The following PRKG1 variants were observed in gnomAD, a reference collection of about 807,000 sequenced individuals.
PRKG1 encodes protein kinase cGMP-dependent 1.
Under a neutral mutation model 88.1 loss-of-function variants are expected in PRKG1, and 35 were observed. The observed-to-expected ratio is 0.40, with a 90% CI of 0.30 to 0.53. PRKG1 has a LOEUF of 0.53. Among genes scored for constraint, PRKG1 ranks in the 20% least tolerant of loss-of-function variants. The pLI, the probability that PRKG1 is intolerant of heterozygous loss-of-function variation, is 0.59. For missense variants in PRKG1, 540 were observed against 839.8 expected (o/e 0.64, Z 4.41); for synonymous variants, 303 against 292.5 (o/e 1.04, Z -0.37).
intron 3 of PRKG1, among the ~76,000 whole-genome samples, chr10:51,707,638 A>G (rs1841643672): frequency 1.3e-5 from 2 of 152,102 alleles, no homozygotes; most frequent in Non-Finnish European, 2.9e-5. Flanking sequence ...CACTTCAGAG[A>G]AATGTGTAAA....
Position 51,260,687 on chromosome 10 carries a change from A to C in PRKG1, c.478+107357A>C, listed in dbSNP as rs561993958. 3.3e-5 allele frequency among the ~76,000 whole-genome samples: 5 copies of C among 152,332 alleles called. No homozygotes were observed. In the South Asian group the frequency reaches 1.0e-3, roughly 32 times the overall value. On this transcript the variant is annotated intron_variant, in intron 2 of 17. Coordinates refer to ENST00000373980, the MANE Select transcript of PRKG1 (RefSeq NM_006258.4). ...ATACCATCAGAAATCAATTCTGCTC[A>C]TGGAGATTATTAAAGACTCAGAGCA...
intron 9 of PRKG1, among the ~76,000 whole-genome samples, chr10:52,178,144 T>G (rs1330017369): frequency 6.6e-6 from 1 of 152,068 alleles, no homozygotes; most frequent in Non-Finnish European, 1.5e-5. Context: ...TGCCATCAAC[T>G]TGCTTCTTAA....
In PRKG1 at chr10:51,590,929, G is replaced by A. The variant is rs16919998; in HGVS notation, c.592+123093G>A. Among the ~76,000 whole-genome samples, 391 of 152,196 alleles carry A rather than the reference G, an allele frequency of 2.6e-3. 3 individuals are homozygous for A. Among genetic ancestry groups the A allele is most frequent in the African/African-American group, 8.8e-3 (367 of 41,518 alleles). On this transcript the variant is annotated intron_variant, in intron 3 of 17. Coordinates refer to ENST00000373980, the MANE Select transcript of PRKG1 (RefSeq NM_006258.4). ...TGAACACTTACTTCTGTCAAACATT[G>A]GTAAGCACAAGGAATGTGGAAACCT...
chr10:51,453,956 C>A (rs2132778791), intron 2 of PRKG1, among the ~76,000 whole-genome samples: 1 of 152,084 alleles, frequency 6.6e-6, no homozygotes. Context: ...CCAACAGTGA[C>A]CAAGCTGAGA....
chr10:52,163,734 T>C (rs1223957072), intron 9 of PRKG1, among the ~76,000 whole-genome samples: 1 of 152,200 alleles, frequency 6.6e-6, no homozygotes, highest in Non-Finnish European at 1.5e-5. Flanking sequence ...TCCTAAATTC[T>C]GGCCATTCAT....
At chr10:50,997,810 C>T (rs1842850964) in intron 1 of PRKG1, among the ~76,000 whole-genome samples, 1 of 151,918 alleles carries the variant, frequency 6.6e-6, no homozygotes, top group Admixed American at 6.5e-5. Flanking sequence ...TTTTGGGTCC[C>T]TGAAGAGAAA....
At chr10:51,327,425 A>AT in intron 2 of PRKG1, among the ~76,000 whole-genome samples, 1 of 152,126 alleles carries the variant, frequency 6.6e-6, no homozygotes, top group African/African-American at 2.4e-5. Flanking sequence ...TCAAAAAAAA[A>AT]AAAAAAAGTA....
intron 1 of PRKG1, among the ~76,000 whole-genome samples, chr10:51,115,174 C>T (rs866085649): frequency 7.3e-5 from 11 of 150,406 alleles, no homozygotes; most frequent in Middle Eastern, 3.4e-3. Context: ...ATTAGCTGGG[C>T]ATGGTGCCAC....
At chr10:51,535,026 A>G (rs973877912) in intron 3 of PRKG1, among the ~76,000 whole-genome samples, 4 of 152,220 alleles carry the variant, frequency 2.6e-5, no homozygotes, top group Non-Finnish European at 5.9e-5. Flanking sequence ...ATGAATATGA[A>G]TTATCACAGA....
chr10:51,293,459 G>A (rs1589324003), intron 2 of PRKG1, among the ~76,000 whole-genome samples: 2 of 152,160 alleles, frequency 1.3e-5, no homozygotes, highest in Admixed American at 1.3e-4. Flanking sequence ...TCTATTCAAG[G>A]TGAGATCATG....
intron 3 of PRKG1, chr10:51,699,735 C>A: frequency 1.6e-6 from 1 of 622,584 alleles, no homozygotes. Context: ...TGCTTTCAGT[C>A]CCTGATCCTT....
rs1589629639 is a variant in PRKG1 at position 52,126,418 on chromosome 10, C to T, written c.936-7422C>T. On this transcript the variant is annotated intron_variant, in intron 7 of 17. Transcript: ENST00000373980. Reference sequence around the variant, plus strand: ...ATAAAGGGTTTGTAAGGCTATTCACCAAGATGTTAATCTTAGTTATCTCCT... The same window carrying T: ...ATAAAGGGTTTGTAAGGCTATTCACTAAGATGTTAATCTTAGTTATCTCCT... Among the ~76,000 whole-genome samples, 7 of 152,080 alleles carry T rather than the reference C, an allele frequency of 4.6e-5. No homozygotes were observed. The South Asian group carries it at 1.5e-3, about 32-fold the overall frequency.
At position 51,506,224 on chromosome 10, in the gene PRKG1, C is replaced by G. The variant is rs935834359; in HGVS notation, c.592+38388C>G. 4.1e-4 allele frequency among the ~76,000 whole-genome samples: 63 copies of G among 152,118 alleles called. 1 individual carries two copies. Among genetic ancestry groups the G allele is most frequent in the Non-Finnish European group, 1.2e-4 (8 of 68,028 alleles). On this transcript the variant is annotated intron_variant, in intron 3 of 17. Coordinates refer to ENST00000373980, the MANE Select transcript of PRKG1 (RefSeq NM_006258.4). The stretch of plus-strand genomic sequence containing the variant: ...ATCCTAGAAGAAAACTTAGGCAATA[C>G]CATTCAGGACATAGGCATGGGCAAG...
intron 4 of PRKG1, among the ~76,000 whole-genome samples, chr10:51,833,726 A>G (rs1840060147): frequency 6.6e-6 from 1 of 152,148 alleles, no homozygotes; most frequent in Non-Finnish European, 1.5e-5. Context: ...TCTTTTAGGT[A>G]TTCTGTAACA....
chr10:51,924,121 G>A (rs778101318), intron 5 of PRKG1, among the ~76,000 whole-genome samples: 7 of 151,840 alleles, frequency 4.6e-5, no homozygotes, highest in African/African-American at 7.3e-5. Context: ...CACCACACCC[G>A]GCCTTACTTC....
chr10:52,170,664 G>A (rs570856875), intron 9 of PRKG1, among the ~76,000 whole-genome samples: 14 of 152,142 alleles, frequency 9.2e-5, no homozygotes, highest in African/African-American at 2.2e-4. Flanking sequence ...TTCTATTTCC[G>A]TAATTAGTCC....
intron 2 of PRKG1, among the ~76,000 whole-genome samples, chr10:51,245,964 C>T (rs923884651): frequency 2.6e-5 from 4 of 152,042 alleles, no homozygotes; most frequent in Non-Finnish European, 5.9e-5. Context: ...TCCAGAATGG[C>T]TTGAGCAAAT....
intron 3 of PRKG1, among the ~76,000 whole-genome samples, chr10:51,483,848 A>G (rs1253732261): frequency 6.6e-6 from 1 of 152,208 alleles, no homozygotes; most frequent in African/African-American, 2.4e-5. Context: ...TGCTGAAACC[A>G]TGATGTTTTC....
chr10:52,100,166 AGTGAAC>A (rs1205008856), intron 7 of PRKG1, among the ~76,000 whole-genome samples: 1 of 152,192 alleles, frequency 6.6e-6, no homozygotes, highest in Non-Finnish European at 1.5e-5. Flanking sequence ...CTCCCAGCAC[AGTGAAC>A]TCATGTAAAG....
Sources: gnomAD v4.1 joint callset for allele counts (sites outside exome capture counted in the v4.1 genomes callset) on GRCh38, gnomAD v4.1.1 for gene constraint, MANE v1.5 for transcripts, NCBI Gene and HGNC (gene_info 2026-07-23, HGNC 2026-07-21) for gene names.